The following NRXN3 variants were observed in gnomAD, a reference collection of about 807,000 sequenced individuals.
NRXN3 encodes the protein neurexin III.
Under a neutral mutation model 137.6 loss-of-function variants are expected in NRXN3, and 32 were observed. The observed-to-expected ratio is 0.23, with a 90% CI of 0.18 to 0.31. NRXN3 has a LOEUF of 0.31. NRXN3 is among the 10% of genes least tolerant of loss of function. NRXN3 has a pLI of 1.00. For missense variants in NRXN3, 1,574 were observed against 2,062.5 expected (o/e 0.76, Z 4.59); for synonymous variants, 798 against 784.5 (o/e 1.02, Z -0.29).
chr14:78,575,890 G>C (rs1038672541), intron 4 of NRXN3, among the ~76,000 whole-genome samples: 2 of 152,168 alleles, frequency 1.3e-5, no homozygotes, highest in Non-Finnish European at 2.9e-5. Flanking sequence ...ACTGCAATCT[G>C]ACTTTGTACC....
At chr14:79,455,061 T>G (rs1261544688) in intron 15 of NRXN3, among the ~76,000 whole-genome samples, 1 of 152,240 alleles carries the variant, frequency 6.6e-6, no homozygotes, top group Non-Finnish European at 1.5e-5. Flanking sequence ...ATTGGAAAAT[T>G]TCTTAGTCTG....
At position 79,566,216 on chromosome 14, in the gene NRXN3, G is replaced by A. The variant is rs142055735; in HGVS notation, c.3445-97562G>A. ...CTTAACTCCAGTAATTAACTCAGTG[G>A]AGCAAATTTCCTTATTTCATGTAAG... On this transcript the variant is annotated intron_variant, in intron 16 of 20. Transcript: ENST00000335750. Among the ~76,000 whole-genome samples, 957 of 151,806 alleles carry A rather than the reference G, an allele frequency of 6.3e-3. 12 individuals carry two copies. The highest frequency in any genetic ancestry group is 0.037 in the Middle Eastern group (11 of 294).
At chr14:78,661,905 T>C (rs79124870) in intron 6 of NRXN3, among the ~76,000 whole-genome samples, 4 of 151,746 alleles carry the variant, frequency 2.6e-5, no homozygotes, top group African/African-American at 7.3e-5. Context: ...TTTTTTTTTT[T>C]CTGAGACAGT....
chr14:79,016,610 T>A (rs913688460), intron 15 of NRXN3, among the ~76,000 whole-genome samples: 3 of 152,166 alleles, frequency 2.0e-5, no homozygotes, highest in African/African-American at 7.2e-5. Flanking sequence ...ACAAGAGTGA[T>A]GAATGTTACA....
At chr14:78,189,442 G>C (rs1169908032) in intron 1 of NRXN3, among the ~76,000 whole-genome samples, 3 of 152,088 alleles carry the variant, frequency 2.0e-5, no homozygotes, top group Admixed American at 1.3e-4. Flanking sequence ...CCTGGCCCTG[G>C]CACCCAGCAC....
At chr14:79,601,537 T>C (rs1327584368) in intron 16 of NRXN3, among the ~76,000 whole-genome samples, 1 of 152,162 alleles carries the variant, frequency 6.6e-6, no homozygotes. Context: ...AGGTACTACG[T>C]TCCTTTATCT....
At chr14:78,959,086 A>G (rs1379574829) in intron 11 of NRXN3, among the ~76,000 whole-genome samples, 2 of 152,168 alleles carry the variant, frequency 1.3e-5, no homozygotes, top group African/African-American at 4.8e-5. Flanking sequence ...TTTTATATTC[A>G]TGAGCCTGAG....
At chr14:79,088,046 A>G (rs1456490383) in intron 15 of NRXN3, among the ~76,000 whole-genome samples, 1 of 142,026 alleles carries the variant, frequency 7.0e-6, no homozygotes, top group African/African-American at 3.1e-5. Context: ...AAGTAAAAGG[A>G]TGAACCCCTT....
At chr14:78,225,974 GGTGTGTGTGTGTGTGTGTGTGT>G (rs71131635) in intron 1 of NRXN3, among the ~76,000 whole-genome samples, 1 of 123,632 alleles carries the variant, frequency 8.1e-6, no homozygotes, top group East Asian at 2.4e-4. Flanking sequence ...TGTGTGTGTT[GGTGTGTGTGTGTGTGTGTGTGT>G]GTGTGTGTGT....
chr14:79,226,739 C>G (rs1324852602), intron 15 of NRXN3, among the ~76,000 whole-genome samples: 1 of 151,660 alleles, frequency 6.6e-6, no homozygotes. Context: ...AATGTGGACA[C>G]ATACTCATTT....
intron 4 of NRXN3, among the ~76,000 whole-genome samples, chr14:78,594,641 C>G (rs759154980): frequency 1.1e-4 from 16 of 152,224 alleles, no homozygotes; most frequent in Non-Finnish European, 2.1e-4. Flanking sequence ...AGTCCACACT[C>G]AATCTCCCCA....
At chr14:79,573,831 G>T (rs1406509494) in intron 16 of NRXN3, among the ~76,000 whole-genome samples, 4 of 151,612 alleles carry the variant, frequency 2.6e-5, no homozygotes, top group African/African-American at 9.7e-5. Flanking sequence ...CCAGGCTGAG[G>T]GTATGGTACA....
intron 19 of NRXN3, among the ~76,000 whole-genome samples, chr14:79,786,377 C>T (rs2140201346): frequency 6.6e-6 from 1 of 152,240 alleles, no homozygotes; most frequent in Non-Finnish European, 1.5e-5. Context: ...ACACTTGTTT[C>T]ATGGAGGGGT....
At chr14:79,133,908 G>A (rs190206178) in intron 15 of NRXN3, among the ~76,000 whole-genome samples, 17 of 144,466 alleles carry the variant, frequency 1.2e-4, no homozygotes, top group Admixed American at 6.4e-4. Flanking sequence ...CAGCTTGGGC[G>A]ACAGAGCAAG....
intron 20 of NRXN3, among the ~76,000 whole-genome samples, chr14:79,830,872 G>A (rs201835828): frequency 8.0e-5 from 2 of 25,122 alleles, no homozygotes; most frequent in African/African-American, 3.1e-4. Context: ...GCAAGGCTCT[G>A]TTAATAGCTG....
chr14:79,515,772 C>T (rs1256029284), intron 16 of NRXN3, among the ~76,000 whole-genome samples: 1 of 152,074 alleles, frequency 6.6e-6, no homozygotes, highest in Non-Finnish European at 1.5e-5. Context: ...GATAATGACA[C>T]CTTGACAGAT....
intron 15 of NRXN3, among the ~76,000 whole-genome samples, chr14:79,375,235 G>GGT (rs1555407303): frequency 1.5e-5 from 2 of 129,984 alleles, no homozygotes; most frequent in African/African-American, 5.8e-5. Context: ...GAGTTTTTGT[G>GGT]TTTTTTTTTT....
chr14:78,653,016 T>C (rs1436546220), intron 6 of NRXN3, among the ~76,000 whole-genome samples: 1 of 152,174 alleles, frequency 6.6e-6, no homozygotes, highest in Non-Finnish European at 1.5e-5. Flanking sequence ...TTTGAGGCAG[T>C]CCTTGTTGTA....
rs541138387 is a variant in NRXN3 at position 79,250,148 on chromosome 14, A to G, written c.3263-217073A>G. Among the ~76,000 whole-genome samples, 7 of 152,320 alleles carry G rather than the reference A, an allele frequency of 4.6e-5. No homozygotes were observed. The South Asian group carries it at 1.4e-3, about 32-fold the overall frequency. ...ATTTTAAAAGATAGAGGAATTCTAA[A>G]TATATAGTAAAAATAGTAAGTGTGT... On this transcript the variant is annotated intron_variant, in intron 15 of 20. Coordinates refer to ENST00000335750, the MANE Select transcript of NRXN3 (RefSeq NM_001330195.2).
Sources: allele counts gnomAD v4.1 joint callset (sites outside exome capture counted in the v4.1 genomes callset), GRCh38; gene constraint gnomAD v4.1.1; transcripts MANE v1.5; gene names NCBI Gene and HGNC (gene_info 2026-07-23, HGNC 2026-07-21).